Variants in SDK1 observed in about 807,000 individuals in gnomAD.
SDK1 encodes protein sidekick-1.
SDK1 carries 157 observed loss-of-function variants against 245.5 expected under a neutral mutation model. The ratio of observed to expected loss-of-function variants is 0.64; its 90% CI spans 0.56 to 0.73. The LOEUF is 0.73. Among genes scored for constraint, SDK1 ranks in the 30% least tolerant of loss-of-function variants. The pLI is 0.00. For missense variants in SDK1, 3,583 were observed against 3,002.3 expected (o/e 1.19, Z -4.52); for synonymous variants, 1,647 against 1,278.5 (o/e 1.29, Z -6.15).
At chr7:3,653,018 G>C (rs1783056046) in intron 4 of SDK1, among the ~76,000 whole-genome samples, 1 of 152,220 alleles carries the variant, frequency 6.6e-6, no homozygotes, top group Non-Finnish European at 1.5e-5. Context: ...TCCTCACTTT[G>C]GCTATTCCAT....
At chr7:3,848,928 C>A (rs1439339948) in intron 5 of SDK1, among the ~76,000 whole-genome samples, 2 of 152,208 alleles carry the variant, frequency 1.3e-5, no homozygotes, top group East Asian at 3.9e-4. Flanking sequence ...CCTCGGCCTC[C>A]CAAAGTGCCG....
chr7:3,627,976 C>G (rs1182586454), intron 2 of SDK1, among the ~76,000 whole-genome samples: 1 of 152,120 alleles, frequency 6.6e-6, no homozygotes, highest in African/African-American at 2.4e-5. Context: ...TATCCATTCT[C>G]AAGCCATTTC....
chr7:3,356,282 A>G (rs1267675909), intron 1 of SDK1, among the ~76,000 whole-genome samples: 1 of 152,152 alleles, frequency 6.6e-6, no homozygotes, highest in African/African-American at 2.4e-5. Flanking sequence ...GTGAAATATA[A>G]CAAAGTGCAT....
At position 3,408,917 on chromosome 7, in the gene SDK1, A is replaced by G. The variant is rs569154746; in HGVS notation, c.298+107033A>G. 7.2e-5 allele frequency among the ~76,000 whole-genome samples: 11 copies of G among 152,320 alleles called. No individual in the cohort carries two copies. The South Asian group carries it at 2.3e-3, about 32-fold the overall frequency. ...TTTGCAGTTTCGAAATAATTAAACA[A>G]TGCTGATGTACAGTTCTTATTGCAT... On this transcript the variant is annotated intron_variant, in intron 1 of 44. Coordinates refer to ENST00000404826, the MANE Select transcript of SDK1 (RefSeq NM_152744.4).
At chr7:4,052,462 A>G (rs1391585272) in intron 19 of SDK1, among the ~76,000 whole-genome samples, 1 of 152,176 alleles carries the variant, frequency 6.6e-6, no homozygotes, top group Non-Finnish European at 1.5e-5. Flanking sequence ...CCAGATGGGG[A>G]GAATTGGGAA....
At chr7:4,138,765 GAGAA>G (rs1362991357) in intron 28 of SDK1, among the ~76,000 whole-genome samples, 6 of 149,584 alleles carry the variant, frequency 4.0e-5, no homozygotes, top group Non-Finnish European at 7.4e-5. Flanking sequence ...AAAAAAGAGA[GAGAA>G]AGAAAGAAGA....
intron 4 of SDK1, among the ~76,000 whole-genome samples, chr7:3,646,354 A>G (rs888912365): frequency 3.3e-5 from 5 of 152,148 alleles, no homozygotes; most frequent in African/African-American, 1.2e-4. Flanking sequence ...CAGTAAGTCT[A>G]ATGTTTTCTA....
chr7:3,527,092 T>G (rs1783164581), intron 1 of SDK1, among the ~76,000 whole-genome samples: 1 of 152,208 alleles, frequency 6.6e-6, no homozygotes, highest in East Asian at 1.9e-4. Flanking sequence ...ATTTTGGCAT[T>G]TATAGTGAGC....
chr7:3,991,795 G>C (rs1784348435), intron 14 of SDK1, among the ~76,000 whole-genome samples: 1 of 152,206 alleles, frequency 6.6e-6, no homozygotes, highest in Admixed American at 6.5e-5. Context: ...AGCAGCCTGT[G>C]CTGCTACCAG....
chr7:4,222,665 C>A (rs1373652949), intron 40 of SDK1, among the ~76,000 whole-genome samples: 7 of 152,322 alleles, frequency 4.6e-5, no homozygotes, highest in African/African-American at 4.8e-5. Flanking sequence ...ATAAACATTT[C>A]TTTGGCTCAA....
chr7:3,419,051 G>T (rs866875437), intron 1 of SDK1, among the ~76,000 whole-genome samples: 1 of 152,200 alleles, frequency 6.6e-6, no homozygotes, highest in Non-Finnish European at 1.5e-5. Flanking sequence ...CATTTACATG[G>T]TTTTTGTGTC....
Position 4,046,811 on chromosome 7 carries a change from C to G in SDK1, c.2603-2537C>G, listed in dbSNP as rs1789045078. On this transcript the variant is annotated intron_variant, in intron 17 of 44. Coordinates refer to ENST00000404826, the MANE Select transcript of SDK1 (RefSeq NM_152744.4). ...CACCTTTTCAATGTCTAGGAGATAT[C>G]TAGCTGTGATTTTTTTTTTTTCTTT... Among the ~76,000 whole-genome samples, 3 of 145,936 alleles carry G rather than the reference C, an allele frequency of 2.1e-5. No individual in the cohort carries two copies. The South Asian group carries it at 6.4e-4, about 31-fold the overall frequency.
chr7:3,463,968 C>T (rs114161675), intron 1 of SDK1, among the ~76,000 whole-genome samples: 20 of 152,270 alleles, frequency 1.3e-4, no homozygotes, highest in African/African-American at 4.6e-4. Context: ...AGCTTCATTA[C>T]CCAGAGGACC....
chr7:3,905,555 T>A (rs1203360016), intron 5 of SDK1, among the ~76,000 whole-genome samples: 1 of 152,218 alleles, frequency 6.6e-6, no homozygotes, highest in East Asian at 1.9e-4. Context: ...ACAGTTTCAC[T>A]AGGTAGTTAT....
At chr7:3,813,465 T>C (rs1314202738) in intron 4 of SDK1, among the ~76,000 whole-genome samples, 1 of 139,554 alleles carries the variant, frequency 7.2e-6, no homozygotes, top group African/African-American at 2.7e-5. Flanking sequence ...GGCTGCATAG[T>C]ATTCCATGGT....
chr7:3,502,393 G>C (rs774182065), intron 1 of SDK1, among the ~76,000 whole-genome samples: 9 of 152,064 alleles, frequency 5.9e-5, no homozygotes, highest in Admixed American at 2.6e-4. Context: ...GGGATTACAG[G>C]TGCCTACCAC....
At chr7:3,771,049 T>C (rs961599944) in intron 4 of SDK1, among the ~76,000 whole-genome samples, 4 of 152,166 alleles carry the variant, frequency 2.6e-5, no homozygotes, top group African/African-American at 9.7e-5. Flanking sequence ...CTTGCACTAA[T>C]TGATGCTCAG....
At chr7:3,313,846 A>G (rs1779604736) in intron 1 of SDK1, among the ~76,000 whole-genome samples, 1 of 152,262 alleles carries the variant, frequency 6.6e-6, no homozygotes, top group Non-Finnish European at 1.5e-5. Flanking sequence ...AGTAATACAT[A>G]TAATTAGCTC....
chr7:4,262,835 A>G (rs1412747434), intron 44 of SDK1, among the ~76,000 whole-genome samples: 3 of 14,970 alleles, frequency 2.0e-4, no homozygotes, highest in Non-Finnish European at 3.7e-4. Flanking sequence ...CCTCCCCTCT[A>G]CCTAATCACC....
Sources: gnomAD v4.1 joint callset for allele counts (sites outside exome capture counted in the v4.1 genomes callset) on GRCh38, gnomAD v4.1.1 for gene constraint, MANE v1.5 for transcripts, NCBI Gene and HGNC (gene_info 2026-07-23, HGNC 2026-07-21) for gene names.